Variants in UBR4 observed in about 807,000 individuals in gnomAD.
The protein encoded by UBR4 is E3 ubiquitin-protein ligase UBR4.
A neutral mutation model predicts 575.6 loss-of-function variants in UBR4; 124 were observed. The observed-to-expected ratio is 0.22, with a 90% CI of 0.19 to 0.25. The LOEUF (loss-of-function observed/expected upper bound fraction) is 0.25. Among genes scored for constraint, UBR4 ranks in the 10% least tolerant of loss-of-function variants. The pLI is 1.00. For synonymous variants in UBR4, 2,455 were observed against 2,473.7 expected, an observed-to-expected ratio of 0.99 and a Z score of 0.22; for missense variants, 4,818 against 6,478.8, an observed-to-expected ratio of 0.74 and a Z score of 8.80.
chr1:19,204,534 A>AT (rs1304636388), intron 1 of UBR4, among the ~76,000 whole-genome samples: 40 of 145,610 alleles, frequency 2.7e-4, no homozygotes, highest in South Asian at 2.3e-3. Flanking sequence ...ATATAAAAAA[A>AT]AATATATATA....
Position 19,162,651 on chromosome 1 carries a change from T to G in UBR4, c.4765-40A>C, listed in dbSNP as rs887165849. 4 of 1,570,006 alleles carry G rather than the reference T, an allele frequency of 2.5e-6. No homozygotes were observed. The Admixed American group carries it at 5.5e-5, about 22-fold the overall frequency. On this transcript the variant is annotated intron_variant, in intron 34 of 105. Transcript: ENST00000375254. ...CCACAGCAACTTCAGATTCTCCATG[T>G]TTCATTATGTAAACCATGTTTTCTC... is the stretch of plus-strand genomic sequence containing the variant.
At position 19,100,826 on chromosome 1, in the gene UBR4, A is replaced by T. The variant is rs1279314472; in HGVS notation, c.13024-253T>A. On this transcript the variant is annotated intron_variant, in intron 88 of 105. Coordinates refer to ENST00000375254, the MANE Select transcript of UBR4 (RefSeq NM_020765.3). This position sits in a 1 kb window ranked among gnomAD's most constrained non-coding sequence, Gnocchi z 4.2. ...AGATAAAGCCTAACAAAACAAGCAG[A>T]CAAGGAGTGACATATGAGAGATATA... 1.3e-5 allele frequency among the ~76,000 whole-genome samples: 2 copies of T among 151,938 alleles called. No homozygotes were observed. The highest frequency in any genetic ancestry group is 3.9e-4 in the East Asian group (2 of 5,158).
chr1:19,199,441 A>T (rs1365206089), intron 3 of UBR4, among the ~76,000 whole-genome samples: 1 of 152,234 alleles, frequency 6.6e-6, no homozygotes, highest in Admixed American at 6.5e-5. Flanking sequence ...GTTTACTGGA[A>T]CACAGCCATG....
intron 9 of UBR4, 112 bp downstream of exon 9, chr1:19,193,321 G>C: frequency 7.0e-7 from 1 of 1,435,822 alleles, no homozygotes; most frequent in East Asian, 2.3e-5. Flanking sequence ...CCCAGGGAAA[G>C]TAGTGTGGAG....
rs1255652887 is a variant in UBR4, at chr1:19,074,746, G to A, written c.*86C>T. 5.0e-5 allele frequency: 73 copies of A among 1,473,390 alleles called. No individual in the cohort carries two copies. The highest frequency in any genetic ancestry group is 6.9e-5 in the East Asian group (3 of 43,194). The allele number at this position is 1,473,390 out of a possible 1,614,324, so 91.3% of individuals were successfully genotyped here. A position where few individuals can be genotyped will look rare whatever the true frequency, so the allele number is the denominator to read the frequency against. ...GCGGGGTAACAATGCAGCATCCCGC[G>A]GAGGGAACTTAATGCACAAGGAGGG... On this transcript the variant is annotated 3_prime_UTR_variant, in exon 106 of 106. Coordinates refer to ENST00000375254, the MANE Select transcript of UBR4 (RefSeq NM_020765.3).
chr1:19,165,999 G>C (rs1038254332), intron 29 of UBR4, among the ~76,000 whole-genome samples: 1 of 152,194 alleles, frequency 6.6e-6, no homozygotes, highest in Non-Finnish European at 1.5e-5. Flanking sequence ...GAACAGGAAA[G>C]GCATCTAAAG....
At chr1:19,141,004 C>G (rs1215577834) in intron 57 of UBR4, 112 bp from the exon 58 acceptor site, 2 of 1,176,780 alleles carry the variant, frequency 1.7e-6, no homozygotes. Flanking sequence ...GTGACCCCCT[C>G]TGGCCTAGAG....
chr1:19,127,551 T>G, intron 63 of UBR4, 72 bp downstream of exon 63: 1 of 1,167,632 alleles, frequency 8.6e-7, no homozygotes, highest in Non-Finnish European at 1.3e-6. Flanking sequence ...CTACCACCTC[T>G]GTGCTGGCCC....
intron 25 of UBR4, among the ~76,000 whole-genome samples, chr1:19,171,519 C>G (rs1321879270): frequency 6.6e-6 from 1 of 152,164 alleles, no homozygotes; most frequent in Non-Finnish European, 1.5e-5. Context: ...TTAAGTCTGA[C>G]AAAGATCTAG....
At chr1:19,092,648 A>C in intron 97 of UBR4, 171 bp downstream of exon 97, 1 of 532,096 alleles carries the variant, frequency 1.9e-6, no homozygotes. Context: ...TGAATGAGGA[A>C]ATCACAAATA....
At position 19,153,312 on chromosome 1, in the gene UBR4, G is replaced by A. The variant is rs2085997173; in HGVS notation, c.6821C>T (p.Thr2274Ile). The A allele has an allele frequency of 6.2e-7, 1 of 1,614,196 alleles. No individual in the cohort carries two copies. Among genetic ancestry groups the A allele is most frequent in the Non-Finnish European group, 8.5e-7 (1 of 1,180,022 alleles). ...SIMKPVRKRK[T>I]ATITTRTSSQ... Reference sequence around the variant, plus strand: ...AGAAGGAGCCTTACTGATTGTAGCTGTTTTGCGCTTTCGAACAGGCTTCAT... The same window carrying A: ...AGAAGGAGCCTTACTGATTGTAGCTATTTTGCGCTTTCGAACAGGCTTCAT... Residue 2274 changes from threonine to isoleucine, a missense_variant, in exon 46 of 106, where the codon ACA becomes ATA. Transcript: ENST00000375254. This position sits in a 1 kb window ranked among gnomAD's most constrained non-coding sequence, Gnocchi z 4.1.
intron 11 of UBR4, 27 bp from the exon 12 acceptor site, chr1:19,187,567 T>A (rs908235059): frequency 1.2e-6 from 2 of 1,600,262 alleles, no homozygotes; most frequent in Non-Finnish European, 1.7e-6. Context: ...GAAAACACAA[T>A]CCTTAAAATA....
At position 19,126,633 on chromosome 1, in the gene UBR4, G is replaced by C. The variant is rs764983287; in HGVS notation, c.9251C>G (p.Ala3084Gly). ...ICESSSLISSATAAALLSSGA... is the reference protein window; with the variant it reads ...ICESSSLISSGTAAALLSSGA... ...AGAGCTCAGTAGAGCTGCTGCTGTG[G>C]CACTGGAGATGAGGGAAGATGACTG... Residue 3084 changes from alanine (A) to glycine (G), a missense_variant, in exon 64 of 106, where the codon GCC (alanine) becomes GGC (glycine). By Grantham distance (60) the Ala-to-Gly change is moderately conservative. Transcript: ENST00000375254. 2.5e-6 allele frequency: 4 copies of C among 1,613,806 alleles called. No individual in the cohort carries two copies. Among genetic ancestry groups the C allele is most frequent in the Non-Finnish European group, 3.4e-6 (4 of 1,179,978 alleles).
At chr1:19,116,885 A>G (rs2080603703) in intron 73 of UBR4, among the ~76,000 whole-genome samples, 1 of 152,200 alleles carries the variant, frequency 6.6e-6, no homozygotes, top group Non-Finnish European at 1.5e-5. Context: ...TTCCCAATAC[A>G]GAAGGTTTTA....
chr1:19,193,961 G>A (rs2092290470), intron 8 of UBR4, among the ~76,000 whole-genome samples: 1 of 152,222 alleles, frequency 6.6e-6, no homozygotes, highest in African/African-American at 2.4e-5. Flanking sequence ...CTTATTGTAT[G>A]ATTCCAACTA....
Position 19,193,599 on chromosome 1 carries a change from C to T in UBR4, c.1019-42G>A, listed in dbSNP as rs375770789. The T allele has an allele frequency of 4.3e-5, 68 of 1,564,220 alleles. No homozygotes were observed. In the East Asian group the frequency reaches 1.0e-3, roughly 23 times the overall value. The stretch of plus-strand genomic sequence containing the variant: ...ACAGGTCTCAGCCATGGAGTGCATC[C>T]AAGAATCCACCAAAGCTGAAACACA... On this transcript the variant is annotated intron_variant, in intron 8 of 105. Coordinates refer to ENST00000375254, the MANE Select transcript of UBR4 (RefSeq NM_020765.3).
At chr1:19,112,938 A>C (rs1450679097) in intron 77 of UBR4, 71 bp from the exon 78 acceptor site, 4 of 1,484,722 alleles carry the variant, frequency 2.7e-6, no homozygotes, top group Non-Finnish European at 3.6e-6. Context: ...TTAGAAAATT[A>C]GTTTTGCTTT....
rs760666421 is a variant in UBR4 at position 19,166,992 on chromosome 1, G to T, written c.4109+30C>A. ...TCACTGATAGCAGCAGTAGGTCATA[G>T]GAAACCTGACTGTTCTCCATCAGGC... On this transcript the variant is annotated intron_variant, in intron 29 of 105. Coordinates refer to ENST00000375254, the MANE Select transcript of UBR4 (RefSeq NM_020765.3). 2.2e-5 allele frequency: 36 copies of T among 1,612,878 alleles called. No individual in the cohort carries two copies. In the Admixed American group the frequency reaches 3.3e-4, roughly 15 times the overall value.
chr1:19,077,396 C>T (rs567298101), intron 104 of UBR4, among the ~76,000 whole-genome samples: 1 of 152,160 alleles, frequency 6.6e-6, no homozygotes, highest in Non-Finnish European at 1.5e-5. Context: ...CCTGCACAGC[C>T]GAGTCTGGAG....
Sources: allele counts gnomAD v4.1 joint callset (sites outside exome capture counted in the v4.1 genomes callset), GRCh38; gene constraint gnomAD v4.1.1; non-coding constraint Gnocchi (gnomAD v3.1); transcripts MANE v1.5; gene names NCBI Gene and HGNC (gene_info 2026-07-23, HGNC 2026-07-21).